SLC2A11: variants seen among roughly 807,000 people sequenced by gnomAD.
SLC2A11 encodes solute carrier family 2, facilitated glucose transporter member 11.
A neutral mutation model predicts 52.1 loss-of-function variants in SLC2A11; 43 were observed. The ratio of observed to expected loss-of-function variants is 0.82; its 90% CI spans 0.65 to 1.06. The LOEUF (loss-of-function observed/expected upper bound fraction) is 1.06, where lower values mean the gene tolerates loss of function less well. SLC2A11 is among the 50% of genes least tolerant of loss of function. The pLI is 0.00. For missense variants in SLC2A11, 582 were observed against 654.2 expected, an observed-to-expected ratio of 0.89 and a Z score of 1.20; for synonymous variants, 261 against 277.6, an observed-to-expected ratio of 0.94 and a Z score of 0.59.
chr22:23,861,290 C>CAAA (rs56138210), intron 1 of SLC2A11, among the ~76,000 whole-genome samples: 8 of 35,592 alleles, frequency 2.2e-4, no homozygotes, highest in East Asian at 2.1e-3. Flanking sequence ...GACTCAGTCT[C>CAAA]AAAAAAAAAA....
At chr22:23,864,654 C>T (rs1043934656) in intron 2 of SLC2A11, among the ~76,000 whole-genome samples, 3 of 152,166 alleles carry the variant, frequency 2.0e-5, no homozygotes, top group Non-Finnish European at 4.4e-5. Context: ...GCACCCACTT[C>T]AGTGCACACT....
chr22:23,857,036 GA>G (rs1367950760), upstream of SLC2A11: 1 of 1,420,296 alleles, frequency 7.0e-7, no homozygotes, highest in Non-Finnish European at 9.5e-7. Context: ...GTCCTCTGGG[GA>G]AAGGTCGGGG....
intron 2 of SLC2A11, chr22:23,867,884 T>A: frequency 2.6e-6 from 1 of 378,894 alleles, no homozygotes; most frequent in Admixed American, 3.4e-5. Context: ...GTATCCTTCA[T>A]AACAAACCAG....
At chr22:23,867,133 G>C (rs891471385) in intron 2 of SLC2A11, 1 of 152,500 alleles carries the variant, frequency 6.6e-6, no homozygotes, top group Non-Finnish European at 1.5e-5. Context: ...CCTCGGGTAT[G>C]GTATAATAAG....
upstream of SLC2A11, chr22:23,857,403 C>T: frequency 6.3e-6 from 10 of 1,592,792 alleles, no homozygotes; most frequent in South Asian, 1.1e-4. Flanking sequence ...TGGACCAGAG[C>T]TCCCTTCCGG....
Position 23,857,911 on chromosome 22 carries a change from T to A in SLC2A11, c.-89T>A. The A allele has an allele frequency of 1.9e-6, 3 of 1,581,366 alleles. No individual in the cohort carries two copies. The highest frequency in any genetic ancestry group is 1.7e-6 in the Non-Finnish European group (2 of 1,164,756). ...CTGGGCGCTGCGCGCTGCCCTTCCC[T>A]CCGCGCACAGGCTGCCGGCTCACCG... On this transcript the variant is annotated 5_prime_UTR_variant, in exon 1 of 12. Coordinates refer to ENST00000316185, the MANE Select transcript of SLC2A11 (RefSeq NM_001024939.4).
intron 8 of SLC2A11, chr22:23,883,210 C>T (rs780439525): frequency 8.7e-5 from 34 of 392,370 alleles, no homozygotes; most frequent in African/African-American, 1.7e-4. Flanking sequence ...TGCAGTGAGC[C>T]GAGATGGTGC....
chr22:23,881,667 G>A (rs1180687623), intron 6 of SLC2A11: 1 of 152,652 alleles, frequency 6.6e-6, no homozygotes, highest in African/African-American at 2.4e-5. Context: ...CAACAGCCCT[G>A]AGAAATGTCA....
At chr22:23,858,341 C>G (rs1457220154) in intron 1 of SLC2A11, among the ~76,000 whole-genome samples, 1 of 152,196 alleles carries the variant, frequency 6.6e-6, no homozygotes, top group Non-Finnish European at 1.5e-5. Context: ...GCAATCCTGA[C>G]TGCTCGCCCC....
intron 2 of SLC2A11, among the ~76,000 whole-genome samples, chr22:23,863,230 C>T (rs940744755): frequency 5.9e-5 from 9 of 152,214 alleles, no homozygotes; most frequent in Non-Finnish European, 1.2e-4. Context: ...CCAGATACCA[C>T]CACCTTCTTG....
chr22:23,868,296 G>T, intron 2 of SLC2A11, 185 bp from the exon 3 acceptor site: 1 of 622,640 alleles, frequency 1.6e-6, no homozygotes, highest in East Asian at 2.7e-5. Context: ...AACCAGCATG[G>T]TGCCCTGCAC....
chr22:23,885,197 T>C lies in SLC2A11; in HGVS notation c.*348T>C. 2.3e-6 allele frequency: 1 copy of C among 427,092 alleles called. No individual in the cohort carries two copies. Among genetic ancestry groups the C allele is most frequent in the Non-Finnish European group, 4.1e-6 (1 of 243,712 alleles). 26.5% of individuals were successfully genotyped at this position (427,092 alleles called of 1,614,324 possible). ...TGAGACCCCCTATCTCTACAAAAAA[T>C]TTTAAACATTAGCTGGGCATGGTGG... On this transcript the variant is annotated 3_prime_UTR_variant, in exon 12 of 12. Coordinates refer to ENST00000316185, the MANE Select transcript of SLC2A11 (RefSeq NM_001024939.4).
intron 2 of SLC2A11, chr22:23,862,442 G>GT: frequency 2.0e-6 from 1 of 500,068 alleles, no homozygotes; most frequent in Non-Finnish European, 3.6e-6. Flanking sequence ...TAGTGATGGG[G>GT]GGTCAGCCTT....
intron 6 of SLC2A11, among the ~76,000 whole-genome samples, chr22:23,878,628 A>G (rs2032702919): frequency 6.6e-6 from 1 of 152,188 alleles, no homozygotes; most frequent in South Asian, 2.1e-4. Context: ...GGGAAAATTG[A>G]TGGCATATCC....
rs2032578820 is a variant in SLC2A11 at position 23,875,201 on chromosome 22, G to C, written c.375G>C (p.Glu125Asp). Reference protein sequence around the residue: ...FGFSRKAGSFEMIMLGRLLVG... With the variant: ...FGFSRKAGSFDMIMLGRLLVG... ...TCAGCCGCAAAGCAGGCTCCTTTGA[G>C]ATGATCATGCTGGGAAGACTGCTCG... Residue 125 changes from glutamate (E) to aspartate (D), a missense_variant, in exon 4 of 12, where the codon GAG becomes GAC. By Grantham distance (45) the Glu-to-Asp change is conservative. Transcript: ENST00000316185. The C allele has an allele frequency of 2.5e-6, 4 of 1,573,744 alleles. No homozygotes were observed. In the South Asian group the frequency reaches 4.6e-5, roughly 18 times the overall value.
chr22:23,862,381 C>G, intron 2 of SLC2A11, 179 bp downstream of exon 2: 2 of 593,152 alleles, frequency 3.4e-6, no homozygotes, highest in South Asian at 4.1e-5. Context: ...TTCCCCAAAC[C>G]TGCATGTCCT....
chr22:23,863,368 G>A (rs73160439), intron 2 of SLC2A11, among the ~76,000 whole-genome samples: 9,705 of 152,216 alleles, frequency 0.064, 353 homozygotes, highest in Middle Eastern at 0.14. Context: ...TGAATCTCTG[G>A]CCCTTGATGG....
chr22:23,857,661 C>T, upstream of SLC2A11: 1 of 1,102,546 alleles, frequency 9.1e-7, no homozygotes, highest in Non-Finnish European at 1.3e-6. Context: ...AACGCTGAGT[C>T]CGCGCATGCG....
chr22:23,857,788 C>T, upstream of SLC2A11: 1 of 1,442,254 alleles, frequency 6.9e-7, no homozygotes, highest in Non-Finnish European at 9.1e-7. Context: ...GCTGGTGCGG[C>T]CGCTCTCAAT....
Sources: allele counts gnomAD v4.1 joint callset (sites outside exome capture counted in the v4.1 genomes callset), GRCh38; gene constraint gnomAD v4.1.1; transcripts MANE v1.5; gene names NCBI Gene and HGNC (gene_info 2026-07-23, HGNC 2026-07-21).